The following ANKS1B variants were observed in gnomAD, a reference collection of about 807,000 sequenced individuals.
ANKS1B encodes the protein ankyrin repeat and sterile alpha motif domain containing 1B.
ANKS1B carries 36 observed loss-of-function variants against 148.3 expected under a neutral mutation model. The ratio of observed to expected loss-of-function variants is 0.24; its 90% CI spans 0.19 to 0.32. The LOEUF (loss-of-function observed/expected upper bound fraction) is 0.32, where lower values mean the gene tolerates loss of function less well. Among genes scored for constraint, ANKS1B ranks in the 10% least tolerant of loss-of-function variants. ANKS1B has a pLI of 1.00. For synonymous variants in ANKS1B, 542 were observed against 560.8 expected (o/e 0.97, Z 0.47); for missense variants, 1,157 against 1,542.6 (o/e 0.75, Z 4.19).
At chr12:99,730,641 C>T (rs2059045545) in intron 8 of ANKS1B, among the ~76,000 whole-genome samples, 1 of 152,152 alleles carries the variant, frequency 6.6e-6, no homozygotes. Context: ...ATGAGAAAAG[C>T]TGATATCCTT....
chr12:99,686,219 A>C (rs549882283), intron 8 of ANKS1B, among the ~76,000 whole-genome samples: 1 of 152,250 alleles, frequency 6.6e-6, no homozygotes, highest in East Asian at 1.9e-4. Flanking sequence ...ATGAACCATA[A>C]CCTAATTTGG....
At chr12:99,644,428 T>C (rs1220815722) in intron 9 of ANKS1B, among the ~76,000 whole-genome samples, 2 of 152,214 alleles carry the variant, frequency 1.3e-5, no homozygotes, top group African/African-American at 4.8e-5. Flanking sequence ...TGTATAAACA[T>C]TATGTTTATG....
chr12:99,427,568 A>T (rs1398569911), intron 11 of ANKS1B, among the ~76,000 whole-genome samples: 1 of 152,196 alleles, frequency 6.6e-6, no homozygotes, highest in African/African-American at 2.4e-5. Flanking sequence ...GTTAATTTAC[A>T]GCCCTGATCA....
At chr12:99,596,739 C>A (rs1325654902) in intron 9 of ANKS1B, among the ~76,000 whole-genome samples, 1 of 151,830 alleles carries the variant, frequency 6.6e-6, no homozygotes, top group Non-Finnish European at 1.5e-5. Context: ...ATCAGTTAAT[C>A]CTATATGTAA....
At chr12:99,943,666 C>G (rs966900564) in intron 1 of ANKS1B, among the ~76,000 whole-genome samples, 3 of 151,750 alleles carry the variant, frequency 2.0e-5, no homozygotes, top group Non-Finnish European at 4.4e-5. Flanking sequence ...TGGGAAAGAC[C>G]CACCCCCATG....
intron 15 of ANKS1B, among the ~76,000 whole-genome samples, chr12:99,088,666 G>C (rs1314582068): frequency 6.6e-6 from 1 of 151,606 alleles, no homozygotes; most frequent in East Asian, 1.9e-4. Flanking sequence ...AGCTTTTCAG[G>C]GAAAAACAAA....
At chr12:99,772,882 A>G in intron 8 of ANKS1B, 40 bp downstream of exon 8, 1 of 1,581,862 alleles carries the variant, frequency 6.3e-7, no homozygotes, top group Non-Finnish European at 8.6e-7. Context: ...GAACTGGCAA[A>G]GACAGACACA....
At chr12:99,084,735 A>C (rs2153627930) in intron 16 of ANKS1B, among the ~76,000 whole-genome samples, 190 bp downstream of exon 16, 1 of 152,210 alleles carries the variant, frequency 6.6e-6, no homozygotes, top group East Asian at 1.9e-4. Context: ...AAAAACAATA[A>C]AACCTCAAGC....
chr12:99,603,173 C>G (rs914641127), intron 9 of ANKS1B, among the ~76,000 whole-genome samples: 3 of 152,064 alleles, frequency 2.0e-5, no homozygotes, highest in African/African-American at 7.2e-5. Flanking sequence ...TCCTAAGTAG[C>G]TGGGATTACA....
intron 16 of ANKS1B, among the ~76,000 whole-genome samples, chr12:99,065,102 T>A (rs554936210): frequency 6.6e-6 from 1 of 152,328 alleles, no homozygotes; most frequent in South Asian, 2.1e-4. Flanking sequence ...GCTCTACTAG[T>A]GATGTGAACT....
intron 9 of ANKS1B, among the ~76,000 whole-genome samples, chr12:99,591,240 A>T (rs1354711251): frequency 6.6e-6 from 1 of 152,084 alleles, no homozygotes; most frequent in Admixed American, 6.6e-5. Flanking sequence ...TATAACTTTA[A>T]AAAATTTATC....
At chr12:99,041,864 G>A (rs2099959220) in intron 17 of ANKS1B, among the ~76,000 whole-genome samples, 1 of 152,014 alleles carries the variant, frequency 6.6e-6, no homozygotes, top group Non-Finnish European at 1.5e-5. Context: ...TTAGTCAGGT[G>A]TGGTGGTGTG....
intron 1 of ANKS1B, among the ~76,000 whole-genome samples, chr12:99,859,491 CT>C (rs2153715347): frequency 6.6e-6 from 1 of 152,262 alleles, no homozygotes; most frequent in African/African-American, 2.4e-5. Context: ...TACCCAATCA[CT>C]TTTGACTGGT....
chr12:98,766,789 TA>T (rs1192005168), intron 25 of ANKS1B, among the ~76,000 whole-genome samples: 1 of 152,098 alleles, frequency 6.6e-6, no homozygotes, highest in Non-Finnish European at 1.5e-5. Context: ...TCTCGGCATT[TA>T]AAAAAGCACT....
intron 9 of ANKS1B, among the ~76,000 whole-genome samples, chr12:99,531,193 A>G (rs558912373): frequency 2.4e-4 from 37 of 152,262 alleles, no homozygotes; most frequent in Non-Finnish European, 4.0e-4. Context: ...ATATTAAATC[A>G]GTATCTCATG....
At chr12:99,881,069 G>T (rs960483245) in intron 1 of ANKS1B, among the ~76,000 whole-genome samples, 11 of 152,200 alleles carry the variant, frequency 7.2e-5, no homozygotes, top group Admixed American at 7.2e-4. Flanking sequence ...CAAAGTATCA[G>T]CAGTGCGTTT....
chr12:99,153,290 T>C (rs1347270790), intron 15 of ANKS1B, among the ~76,000 whole-genome samples: 3 of 152,180 alleles, frequency 2.0e-5, no homozygotes, highest in Non-Finnish European at 4.4e-5. Context: ...CTGGTACTAG[T>C]AAGCTGCAGG....
intron 1 of ANKS1B, among the ~76,000 whole-genome samples, chr12:99,859,372 G>A (rs2089689324): frequency 1.3e-5 from 2 of 152,144 alleles, no homozygotes; most frequent in Non-Finnish European, 2.9e-5. Flanking sequence ...TCCAAGAAAT[G>A]ACAAGTTTTG....
intron 12 of ANKS1B, among the ~76,000 whole-genome samples, chr12:99,336,491 C>A (rs2088895042): frequency 6.6e-6 from 1 of 151,914 alleles, no homozygotes; most frequent in Admixed American, 6.6e-5. Context: ...GTAGTAGTTT[C>A]ATGTTTGAGA....
Sources: gnomAD v4.1 joint callset for allele counts (sites outside exome capture counted in the v4.1 genomes callset) on GRCh38, gnomAD v4.1.1 for gene constraint, MANE v1.5 for transcripts, NCBI Gene and HGNC (gene_info 2026-07-23, HGNC 2026-07-21) for gene names.